KCNB2: variants seen among roughly 807,000 people sequenced by gnomAD.
KCNB2 encodes delayed rectifier potassium channel protein.
A neutral mutation model predicts 61.5 loss-of-function variants in KCNB2; 15 were observed. That is an observed-to-expected ratio of 0.24 (90% confidence interval 0.16 to 0.38). The LOEUF (loss-of-function observed/expected upper bound fraction) is 0.38, where lower values mean the gene tolerates loss of function less well. Among genes scored for constraint, KCNB2 ranks in the 10% least tolerant of loss-of-function variants. The pLI is 1.00. For missense variants in KCNB2, 828 were observed against 1,125.2 expected, an observed-to-expected ratio of 0.74 and a Z score of 3.78; for synonymous variants, 457 against 446.0, an observed-to-expected ratio of 1.02 and a Z score of -0.31.
intron 2 of KCNB2, among the ~76,000 whole-genome samples, chr8:72,793,370 G>T (rs1808977105): frequency 6.6e-6 from 1 of 152,172 alleles, no homozygotes; most frequent in Non-Finnish European, 1.5e-5. Flanking sequence ...TGACAATTGA[G>T]CCAAGAAACA....
chr8:72,539,101 A>C (rs1271467990), intron 1 of KCNB2, among the ~76,000 whole-genome samples: 2 of 152,282 alleles, frequency 1.3e-5, no homozygotes, highest in African/African-American at 4.8e-5. Context: ...ATAAATATAA[A>C]GTTGTCCAAA....
chr8:72,567,556 T>G, intron 1 of KCNB2, 86 bp from the exon 2 acceptor site: 2 of 546,106 alleles, frequency 3.7e-6, no homozygotes, highest in Middle Eastern at 9.4e-4. Context: ...ATATTGTACC[T>G]TCTGGTTGTT....
rs563732793 is a variant in KCNB2 at position 72,882,882 on chromosome 8, C to G, written c.580-53053C>G. On this transcript the variant is annotated intron_variant, in intron 2 of 2. Coordinates refer to ENST00000523207, the MANE Select transcript of KCNB2 (RefSeq NM_004770.3). ...TTAAAAAGAATTCAAATTTCTGGCT[C>G]CCTCTGAATTGGAAAATCTGATGAC... 1.1e-4 allele frequency among the ~76,000 whole-genome samples: 16 copies of G among 152,266 alleles called. No homozygotes were observed. In the East Asian group the frequency reaches 2.9e-3, roughly 28 times the overall value.
intron 1 of KCNB2, among the ~76,000 whole-genome samples, chr8:72,559,056 C>A (rs932239579): frequency 4.6e-5 from 7 of 152,138 alleles, no homozygotes; most frequent in African/African-American, 1.7e-4. Flanking sequence ...TGTAGAAGCA[C>A]AGAAGTAAGT....
chr8:72,670,180 C>T (rs1390843392), intron 2 of KCNB2, among the ~76,000 whole-genome samples: 2 of 152,184 alleles, frequency 1.3e-5, no homozygotes, highest in Admixed American at 1.3e-4. Context: ...TTCAATTGTG[C>T]TCAACCACCC....
chr8:72,640,712 A>G (rs1806041621), intron 2 of KCNB2, among the ~76,000 whole-genome samples: 1 of 152,152 alleles, frequency 6.6e-6, no homozygotes, highest in African/African-American at 2.4e-5. Flanking sequence ...AAAGGAGTTT[A>G]ATTATAGTTT....
intron 2 of KCNB2, among the ~76,000 whole-genome samples, chr8:72,619,638 C>T (rs192565529): frequency 3.8e-4 from 58 of 151,846 alleles, no homozygotes; most frequent in African/African-American, 1.3e-3. Context: ...GAAGAAGTGC[C>T]CTGCAAGCCC....
At chr8:72,564,973 A>T (rs1458517224) in intron 1 of KCNB2, among the ~76,000 whole-genome samples, 1 of 152,202 alleles carries the variant, frequency 6.6e-6, no homozygotes, top group Non-Finnish European at 1.5e-5. Context: ...TCACATAAAC[A>T]ATCTCATCTA....
At chr8:72,856,437 C>A (rs1810209046) in intron 2 of KCNB2, among the ~76,000 whole-genome samples, 1 of 151,710 alleles carries the variant, frequency 6.6e-6, no homozygotes, top group South Asian at 2.1e-4. Flanking sequence ...GGTCAGCAAC[C>A]ACAAAAAAAG....
chr8:72,681,853 C>T (rs1806762834), intron 2 of KCNB2, among the ~76,000 whole-genome samples: 1 of 152,120 alleles, frequency 6.6e-6, no homozygotes, highest in Admixed American at 6.5e-5. Flanking sequence ...TATGGGACCA[C>T]CATCATCTAT....
chr8:72,577,329 GAT>G (rs977652325), intron 2 of KCNB2, among the ~76,000 whole-genome samples: 1 of 151,960 alleles, frequency 6.6e-6, no homozygotes, highest in Non-Finnish European at 1.5e-5. Flanking sequence ...GTGAGAAAGA[GAT>G]AGAGAGAGAG....
At chr8:72,846,541 C>T (rs527294687) in intron 2 of KCNB2, among the ~76,000 whole-genome samples, 9 of 126,728 alleles carry the variant, frequency 7.1e-5, no homozygotes, top group African/African-American at 2.4e-4. Flanking sequence ...CCAGAATCAA[C>T]AAATAAACAA....
intron 2 of KCNB2, among the ~76,000 whole-genome samples, chr8:72,820,194 A>T (rs1481646342): frequency 6.6e-6 from 1 of 152,112 alleles, no homozygotes; most frequent in Non-Finnish European, 1.5e-5. Flanking sequence ...GCACAAAATC[A>T]TATCCTTCTT....
rs571855789 is a variant in KCNB2, at chr8:72,842,581, G to A, written c.580-93354G>A. On this transcript the variant is annotated intron_variant, in intron 2 of 2. Transcript: ENST00000523207. ...CCTGGTCCTGGCCTTTGTTTGGTTG[G>A]TAGGCTATTAATTAATGCTTCAATT... is the stretch of plus-strand genomic sequence containing the variant. Among the ~76,000 whole-genome samples the A allele has an allele frequency of 4.6e-5, 7 of 152,238 alleles. No homozygotes were observed. The South Asian group carries it at 1.5e-3, about 32-fold the overall frequency.
At chr8:72,699,269 T>G (rs1332584913) in intron 2 of KCNB2, among the ~76,000 whole-genome samples, 1 of 150,920 alleles carries the variant, frequency 6.6e-6, no homozygotes, top group Non-Finnish European at 1.5e-5. Context: ...TTCTTGACTT[T>G]TTTAATAATT....
chr8:72,870,007 C>T (rs1054271193), intron 2 of KCNB2, among the ~76,000 whole-genome samples: 1 of 152,084 alleles, frequency 6.6e-6, no homozygotes, highest in African/African-American at 2.4e-5. Context: ...ATATTACCAG[C>T]CTTAAAAAAG....
chr8:72,866,470 C>T (rs1805523726), intron 2 of KCNB2, among the ~76,000 whole-genome samples: 1 of 152,170 alleles, frequency 6.6e-6, no homozygotes, highest in African/African-American at 2.4e-5. Context: ...TACTGAACAC[C>T]TTTGCCTAAC....
chr8:72,718,515 G>A (rs1365179933), intron 2 of KCNB2, among the ~76,000 whole-genome samples: 1 of 152,050 alleles, frequency 6.6e-6, no homozygotes, highest in African/African-American at 2.4e-5. Flanking sequence ...TCTTTTGTAG[G>A]GACATGGATG....
chr8:72,861,622 GGCC>G (rs1194897259), intron 2 of KCNB2, among the ~76,000 whole-genome samples: 1 of 152,116 alleles, frequency 6.6e-6, no homozygotes, highest in Non-Finnish European at 1.5e-5. Flanking sequence ...CTTCCTGGTG[GGCC>G]GCTCACCCAG....
Sources: allele counts gnomAD v4.1 joint callset (sites outside exome capture counted in the v4.1 genomes callset), GRCh38; gene constraint gnomAD v4.1.1; transcripts MANE v1.5; gene names NCBI Gene and HGNC (gene_info 2026-07-23, HGNC 2026-07-21).